The following AFG2A variants were observed in gnomAD, a reference collection of about 807,000 sequenced individuals.
The protein encoded by AFG2A is AAA ATPase AFG2A.
At chr4:123,222,774 A>G in the AFG2A span, among the ~76,000 whole-genome samples, 1 of 152,192 alleles carries the variant, frequency 6.6e-6, no homozygotes, top group Admixed American at 6.5e-5. Flanking sequence ...ACCTCAGTTA[A>G]GTAGAATCAT....
the AFG2A span, among the ~76,000 whole-genome samples, chr4:123,234,850 T>C: frequency 6.6e-6 from 1 of 152,114 alleles, no homozygotes; most frequent in Non-Finnish European, 1.5e-5. Context: ...TATGTAACTT[T>C]AGGCAAATTA....
At chr4:123,108,834 C>T in the AFG2A span, among the ~76,000 whole-genome samples, 14 of 152,110 alleles carry the variant, frequency 9.2e-5, 1 homozygote, top group South Asian at 2.9e-3. Context: ...AAGAGTTCAG[C>T]CTCTTTAATT....
chr4:123,273,603 A>G, the AFG2A span, among the ~76,000 whole-genome samples: 3 of 152,190 alleles, frequency 2.0e-5, no homozygotes, highest in Admixed American at 6.5e-5. Flanking sequence ...CTGAAAATCC[A>G]AAATCCAAAA....
chr4:123,271,794 G>A, the AFG2A span, among the ~76,000 whole-genome samples: 28 of 151,908 alleles, frequency 1.8e-4, no homozygotes, highest in Non-Finnish European at 3.7e-4. Context: ...TTTATTTGCC[G>A]TTTGTAACTT....
chr4:123,210,878 A>AT, the AFG2A span, among the ~76,000 whole-genome samples: 1 of 150,814 alleles, frequency 6.6e-6, no homozygotes, highest in Non-Finnish European at 1.5e-5. Flanking sequence ...TTCCAACTTA[A>AT]TTTTTTTTTC....
chr4:122,944,684 T>G, the AFG2A span, among the ~76,000 whole-genome samples: 1 of 151,298 alleles, frequency 6.6e-6, no homozygotes, highest in Non-Finnish European at 1.5e-5. Context: ...GGTGAGGAAC[T>G]GCGTTCCTTT....
At chr4:123,035,708 G>A in the AFG2A span, among the ~76,000 whole-genome samples, 1 of 151,816 alleles carries the variant, frequency 6.6e-6, no homozygotes. Flanking sequence ...GCTTTTATCA[G>A]TTGATAAAGC....
the AFG2A span, among the ~76,000 whole-genome samples, chr4:123,174,402 A>G: frequency 6.6e-6 from 1 of 152,188 alleles, no homozygotes; most frequent in Non-Finnish European, 1.5e-5. Context: ...TTCTCCCCAA[A>G]TCCAATTCCA....
chr4:123,021,823 T>A, the AFG2A span, among the ~76,000 whole-genome samples: 1 of 151,970 alleles, frequency 6.6e-6, no homozygotes, highest in East Asian at 1.9e-4. Context: ...AGCATGGTAC[T>A]GGTACCAAAA....
At chr4:123,310,928 C>T in the AFG2A span, among the ~76,000 whole-genome samples, 3 of 152,128 alleles carry the variant, frequency 2.0e-5, no homozygotes, top group South Asian at 2.1e-4. Context: ...GTGTTTCTCC[C>T]GCCCTAGGAC....
the AFG2A span, among the ~76,000 whole-genome samples, chr4:123,225,029 A>G: frequency 6.6e-6 from 1 of 152,134 alleles, no homozygotes; most frequent in Non-Finnish European, 1.5e-5. Context: ...GTGTCTGTTC[A>G]TATCCTTCAC....
chr4:123,205,779 G>A, the AFG2A span, among the ~76,000 whole-genome samples: 1 of 152,078 alleles, frequency 6.6e-6, no homozygotes, highest in Non-Finnish European at 1.5e-5. Flanking sequence ...GCATTTAACA[G>A]ATAATGTCTC....
chr4:122,933,447 A>ATATT, the AFG2A span: 1 of 1,612,370 alleles, frequency 6.2e-7, no homozygotes, highest in Non-Finnish European at 8.5e-7. Flanking sequence ...AGTGACAAAG[A>ATATT]TATGGAAATT....
chr4:123,219,564 C>A, the AFG2A span, among the ~76,000 whole-genome samples: 24,014 of 152,162 alleles, frequency 0.16, 4,427 homozygotes, highest in African/African-American at 0.45. Context: ...ATGTGGGACA[C>A]TTAATTTACA....
At chr4:122,935,611 G>A in the AFG2A span, 5 of 1,338,874 alleles carry the variant, frequency 3.7e-6, no homozygotes, top group Non-Finnish European at 3.0e-6. Context: ...TTTTTGTGAC[G>A]CAAGGTAAAG....
At chr4:123,113,894 G>A in the AFG2A span, among the ~76,000 whole-genome samples, 2 of 152,116 alleles carry the variant, frequency 1.3e-5, no homozygotes, top group South Asian at 2.1e-4. Flanking sequence ...ATCTCGTTGA[G>A]TGTTGAGCTC....
chr4:122,994,242 A>G, the AFG2A span, among the ~76,000 whole-genome samples: 1 of 152,118 alleles, frequency 6.6e-6, no homozygotes, highest in Non-Finnish European at 1.5e-5. Flanking sequence ...AAATGCCTAT[A>G]ATAGTACTGT....
the AFG2A span, among the ~76,000 whole-genome samples, chr4:123,230,340 G>T: frequency 2.0e-5 from 3 of 152,030 alleles, no homozygotes; most frequent in South Asian, 6.2e-4. Flanking sequence ...TCTTCACCAG[G>T]AGTAGATTTC....
chr4:123,016,437 C>T, the AFG2A span, among the ~76,000 whole-genome samples: 3 of 151,674 alleles, frequency 2.0e-5, no homozygotes, highest in Non-Finnish European at 4.4e-5. Flanking sequence ...TCCTCACCTC[C>T]CAGACGGGGT....
Sources: gnomAD v4.1 joint callset for allele counts (sites outside exome capture counted in the v4.1 genomes callset) on GRCh38, gnomAD v4.1.1 for gene constraint, MANE v1.5 for transcripts, NCBI Gene and HGNC (gene_info 2026-07-23, HGNC 2026-07-21) for gene names.